The following DNHD1 variants were observed in gnomAD, a reference collection of about 807,000 sequenced individuals.
The protein encoded by DNHD1 is dynein heavy chain domain 1.
DNHD1 carries 383 observed loss-of-function variants against 458.1 expected under a neutral mutation model. That is an observed-to-expected ratio of 0.84 (90% CI 0.77 to 0.91). DNHD1 has a LOEUF of 0.91. Ranked by LOEUF, DNHD1 falls within the 40% of genes least tolerant of loss-of-function variation. The probability of loss-of-function intolerance (pLI) is 0.00; values close to 1 mark genes in which losing one functional copy is unlikely to be tolerated. For missense variants in DNHD1, 5,336 were observed against 5,866.1 expected, an observed-to-expected ratio of 0.91 and a Z score of 2.95; for synonymous variants, 2,203 against 2,376.9, an observed-to-expected ratio of 0.93 and a Z score of 2.13.
At position 6,563,701 on chromosome 11, in the gene DNHD1, G is replaced by T. The variant is rs769435059; in HGVS notation, c.9861G>T (p.Val3287=). The T allele has an allele frequency of 4.9e-5, 75 of 1,544,896 alleles. No individual in the cohort carries two copies. Among genetic ancestry groups the T allele is most frequent in the Admixed American group, 1.4e-4 (7 of 50,792 alleles). Residue 3287 remains valine, a synonymous_variant, in exon 31 of 43, where the codon GTG becomes GTT. Coordinates refer to ENST00000254579, the MANE Select transcript of DNHD1 (RefSeq NM_144666.3). Reference sequence around the variant, plus strand: ...AACATACATCCTTCCAGGAGCTGGTGTTCTTCCCCAAGGAGAAGATAACAG... The same window carrying T: ...AACATACATCCTTCCAGGAGCTGGTTTTCTTCCCCAAGGAGAAGATAACAG... ...LCTEDFYQEL[V]FFPKEKITDS... is the part of the protein sequence containing the mutation.
At position 6,548,022 on chromosome 11, in the gene DNHD1, G is replaced by C; in HGVS notation, c.6887G>C (p.Gly2296Ala). 2 of 1,551,692 alleles carry C rather than the reference G, an allele frequency of 1.3e-6. No homozygotes were observed. The highest frequency in any genetic ancestry group is 1.7e-6 in the Non-Finnish European group (2 of 1,146,998). ...SFLFALIWGF[G>A]AHLPSRFWPI... ...CTTTTTGCCTTGATCTGGGGCTTTG[G>C]AGCCCACCTTCCCTCCAGGTACCTA... The change falls in exon 22 of 43, where the codon GGA becomes GCA. Residue 2296 changes from glycine (G) to alanine (A), a missense_variant. By Grantham distance (60) the Gly-to-Ala change is moderately conservative (BLOSUM62 0). Coordinates refer to ENST00000254579, the MANE Select transcript of DNHD1 (RefSeq NM_144666.3). This position sits in a 1 kb window ranked among gnomAD's most constrained non-coding sequence, Gnocchi z 4.4.
At chr11:6,520,145 T>C (rs1402434644) in intron 9 of DNHD1, 43 bp downstream of exon 9, 1 of 1,613,684 alleles carries the variant, frequency 6.2e-7, no homozygotes, top group East Asian at 2.2e-5. Context: ...GAATTCCCAG[T>C]TCCTATCCTC....
At position 6,539,203 on chromosome 11, in the gene DNHD1, T is replaced by C; in HGVS notation, c.3326-16T>C. 2 of 1,534,984 alleles carry C rather than the reference T, an allele frequency of 1.3e-6. No individual in the cohort carries two copies. The highest frequency in any genetic ancestry group is 3.9e-5 in the Admixed American group (2 of 50,968). On this transcript the variant is annotated splice_polypyrimidine_tract_variant and intron_variant, in intron 16 of 42. Transcript: ENST00000254579. Reference sequence around the variant, plus strand: ...ACATACTGGGTGTTGCTCTGACTTGTTTTCTCTACCTCCAGCCCTTGGGCT... The same window carrying C: ...ACATACTGGGTGTTGCTCTGACTTGCTTTCTCTACCTCCAGCCCTTGGGCT...
At chr11:6,499,050 C>G in intron 3 of DNHD1, 89 bp downstream of exon 3, 1 of 1,416,180 alleles carries the variant, frequency 7.1e-7, no homozygotes. Context: ...AAGTTTAGAT[C>G]CAGCTCTCTG....
intron 10 of DNHD1, among the ~76,000 whole-genome samples, chr11:6,523,940 A>C (rs1852655487): frequency 6.6e-6 from 1 of 152,206 alleles, no homozygotes; most frequent in Non-Finnish European, 1.5e-5. Context: ...GTGAGGCATG[A>C]TCACACCACT....
At chr11:6,501,906 T>C (rs192568365) in intron 3 of DNHD1, among the ~76,000 whole-genome samples, 1 of 152,214 alleles carries the variant, frequency 6.6e-6, no homozygotes. Context: ...TGTATAAAGG[T>C]TATAAACCAT....
chr11:6,561,465 T>G (rs1262735657), intron 28 of DNHD1, among the ~76,000 whole-genome samples: 1 of 152,174 alleles, frequency 6.6e-6, no homozygotes. Context: ...GTTAGATTGC[T>G]TCCTAATAAG....
At position 6,499,014 on chromosome 11, in the gene DNHD1, T is replaced by C; in HGVS notation, c.746+53T>C. The C allele has an allele frequency of 1.2e-5, 19 of 1,520,304 alleles. No homozygotes were observed. In the South Asian group the frequency reaches 2.5e-4, roughly 20 times the overall value. 94.2% of individuals were successfully genotyped at this position (1,520,304 alleles called of 1,614,324 possible). A position where few individuals can be genotyped will look rare whatever the true frequency, so the allele number is the denominator to read the frequency against. On this transcript the variant is annotated intron_variant, in intron 3 of 42. Transcript: ENST00000254579. ...GAGCAGAGGAGAAAAAGTTGCTGTT[T>C]TATGGGTGCCTCTGGGGTCACTTGG...
At chr11:6,529,956 A>G (rs978810383) in intron 12 of DNHD1, among the ~76,000 whole-genome samples, 5 of 152,160 alleles carry the variant, frequency 3.3e-5, no homozygotes, top group Non-Finnish European at 7.4e-5. Context: ...GGCTACCCCC[A>G]TGGCTTTTGC....
rs11603359 is a variant in DNHD1, at chr11:6,570,359, A to C, written c.13068A>C (p.Thr4356=). ...PSSGSWVQPH[T]PQSLLATLMP... ...GTGGGAGCTGGGTCCAGCCACACAC[A>C]CCTCAGTCTTTGCTGGCCACGCTCA... Residue 4356 remains threonine, a synonymous_variant, in exon 41 of 43, where the codon ACA becomes ACC. Transcript: ENST00000254579. The C allele has an allele frequency of 5.9e-3, 9,497 of 1,611,590 alleles. 49 individuals are homozygous for C. The highest frequency in any genetic ancestry group is 0.025 in the Middle Eastern group (145 of 5,856).
Position 6,498,523 on chromosome 11 carries a change from A to T in DNHD1, c.308A>T (p.Asp103Val), listed in dbSNP as rs1852077825. The change falls in exon 3 of 43, where the codon GAT becomes GTT. Residue 103 changes from aspartate (D) to valine (V), a missense_variant. Around this residue, in one of 4 missense-constraint regions of DNHD1, gnomAD observed 3,932 missense variants for 4,365.6 expected, o/e 0.90. Coordinates refer to ENST00000254579, the MANE Select transcript of DNHD1 (RefSeq NM_144666.3). ...PYRELLVGHL[D>V]LLPFLEQLYC... is the part of the protein sequence containing the mutation. ...CGTGAGTTGCTAGTTGGCCACCTTG[A>T]TTTGCTGCCCTTCCTGGAGCAGCTG... 1.9e-6 allele frequency: 3 copies of T among 1,614,064 alleles called. No individual in the cohort carries two copies. Among genetic ancestry groups the T allele is most frequent in the Non-Finnish European group, 2.5e-6 (3 of 1,180,004 alleles).
chr11:6,561,929 G>A (rs535414972), intron 28 of DNHD1, among the ~76,000 whole-genome samples: 68 of 152,136 alleles, frequency 4.5e-4, no homozygotes, highest in Non-Finnish European at 7.9e-4. Context: ...GTAGGGGCCT[G>A]GTCATGGGGG....
intron 4 of DNHD1, among the ~76,000 whole-genome samples, chr11:6,507,587 T>C (rs1852254367): frequency 6.6e-6 from 1 of 152,186 alleles, no homozygotes. Context: ...GAGTACTGTA[T>C]AACTCCTGGC....
At chr11:6,523,863 C>G (rs557060285) in intron 10 of DNHD1, among the ~76,000 whole-genome samples, 1 of 152,222 alleles carries the variant, frequency 6.6e-6, no homozygotes, top group African/African-American at 2.4e-5. Flanking sequence ...TAGTGTGCAC[C>G]TGTAGTCTCA....
intron 10 of DNHD1, among the ~76,000 whole-genome samples, chr11:6,527,378 T>C (rs1478428145): frequency 1.3e-5 from 2 of 152,216 alleles, no homozygotes; most frequent in African/African-American, 2.4e-5. Flanking sequence ...ATTCTGGATA[T>C]ATTTTTAAAG....
At chr11:6,541,420 G>A (rs574393918) in intron 18 of DNHD1, among the ~76,000 whole-genome samples, 2 of 152,148 alleles carry the variant, frequency 1.3e-5, no homozygotes, top group South Asian at 2.1e-4. Flanking sequence ...TTCTTAGTGC[G>A]CACACACTTT....
intron 10 of DNHD1, among the ~76,000 whole-genome samples, chr11:6,522,941 CA>C (rs1852633263): frequency 6.6e-6 from 1 of 152,176 alleles, no homozygotes; most frequent in Non-Finnish European, 1.5e-5. Context: ...TTCCAGAGAA[CA>C]TTTTACAACT....
chr11:6,543,393 T>C (rs1187083722), intron 18 of DNHD1, among the ~76,000 whole-genome samples: 2 of 152,226 alleles, frequency 1.3e-5, no homozygotes, highest in African/African-American at 4.8e-5. Context: ...TCAGCTTCTC[T>C]ACCAAGACCC....
intron 24 of DNHD1, among the ~76,000 whole-genome samples, chr11:6,552,149 T>G (rs1452029483): frequency 1.3e-5 from 2 of 149,836 alleles, no homozygotes; most frequent in African/African-American, 2.5e-5. Context: ...ATTTAGCAAC[T>G]TAGGTGAAAT....
Sources: gnomAD v4.1 joint callset for allele counts (sites outside exome capture counted in the v4.1 genomes callset) on GRCh38, gnomAD v4.1.1 for gene constraint, gnomAD v4.1.1 regional missense constraint, Gnocchi (gnomAD v3.1) non-coding constraint, MANE v1.5 for transcripts, NCBI Gene and HGNC (gene_info 2026-07-23, HGNC 2026-07-21) for gene names.